The following GPATCH2 variants were observed in gnomAD, a reference collection of about 807,000 sequenced individuals.
GPATCH2 encodes G-patch domain containing 2, also known as G patch domain-containing protein 2.
In GPATCH2, 51 loss-of-function variants were observed where a neutral mutation model predicts 58.0. The ratio of observed to expected loss-of-function variants is 0.88; its 90% CI spans 0.70 to 1.11. The LOEUF (loss-of-function observed/expected upper bound fraction) is 1.11, where lower values mean the gene tolerates loss of function less well. Among genes scored for constraint, GPATCH2 ranks in the 50% most tolerant of loss-of-function variants. The probability of loss-of-function intolerance (pLI) is 0.00; values close to 1 mark genes in which losing one functional copy is unlikely to be tolerated. For synonymous variants in GPATCH2, 222 were observed against 218.5 expected (o/e 1.02, Z -0.14); for missense variants, 625 against 652.2 (o/e 0.96, Z 0.45).
chr1:217,511,015 T>C (rs2102573156), intron 6 of GPATCH2, among the ~76,000 whole-genome samples: 1 of 152,122 alleles, frequency 6.6e-6, no homozygotes, highest in Admixed American at 6.6e-5. Flanking sequence ...GGAGAATCGT[T>C]TGAACTGGGA....
intron 5 of GPATCH2, among the ~76,000 whole-genome samples, chr1:217,591,402 G>C (rs1192566583): frequency 6.6e-6 from 1 of 152,030 alleles, no homozygotes; most frequent in Non-Finnish European, 1.5e-5. Flanking sequence ...TAAAAGCCTA[G>C]TTAAAAGCAT....
Position 217,468,137 on chromosome 1 carries a change from C to T in GPATCH2, c.1278-18800G>A, listed in dbSNP as rs1401235064. Reference sequence around the variant, plus strand: ...CATGATCTGTACCTTAAAGTAATCACATAGTTGGGGAGGAGGAAGTTTTCA... The same window carrying T: ...CATGATCTGTACCTTAAAGTAATCATATAGTTGGGGAGGAGGAAGTTTTCA... On this transcript the variant is annotated intron_variant, in intron 8 of 9. Transcript: ENST00000366935. 3.3e-5 allele frequency among the ~76,000 whole-genome samples: 5 copies of T among 152,252 alleles called. No homozygotes were observed. The East Asian group carries it at 9.6e-4, about 29-fold the overall frequency.
At chr1:217,442,492 A>C (rs1489852943) in intron 9 of GPATCH2, among the ~76,000 whole-genome samples, 1 of 152,226 alleles carries the variant, frequency 6.6e-6, no homozygotes, top group African/African-American at 2.4e-5. Flanking sequence ...AAGTATAAGA[A>C]AAGAAAAACA....
intron 8 of GPATCH2, among the ~76,000 whole-genome samples, chr1:217,452,658 T>C (rs992096750): frequency 8.5e-5 from 13 of 152,166 alleles, no homozygotes; most frequent in Non-Finnish European, 1.9e-4. Context: ...AACAACCAAC[T>C]CCCTCTTCTA....
intron 5 of GPATCH2, among the ~76,000 whole-genome samples, chr1:217,534,738 C>T (rs1433071624): frequency 2.0e-5 from 3 of 152,300 alleles, no homozygotes; most frequent in African/African-American, 7.2e-5. Context: ...CCAGATGTCA[C>T]ATGACCATAC....
chr1:217,614,921 G>T (rs1323099567), intron 2 of GPATCH2, among the ~76,000 whole-genome samples: 1 of 151,776 alleles, frequency 6.6e-6, no homozygotes, highest in Admixed American at 6.6e-5. Flanking sequence ...TATTCTAATA[G>T]AAGTAATGCT....
intron 5 of GPATCH2, among the ~76,000 whole-genome samples, chr1:217,556,564 A>G (rs1665634178): frequency 6.6e-6 from 1 of 152,224 alleles, no homozygotes; most frequent in Non-Finnish European, 1.5e-5. Flanking sequence ...CTATTAATAT[A>G]GTATTCCACT....
chr1:217,452,563 T>C (rs189515115), intron 8 of GPATCH2, among the ~76,000 whole-genome samples: 24 of 152,280 alleles, frequency 1.6e-4, no homozygotes, highest in Admixed American at 9.2e-4. Context: ...CCCAAGTCAA[T>C]ATTGCCTTTA....
chr1:217,618,020 A>G lies in GPATCH2; in HGVS notation c.773+1763T>C, dbSNP rs564134646. 3.2e-4 allele frequency among the ~76,000 whole-genome samples: 48 copies of G among 152,274 alleles called. 1 individual carries two copies. Among genetic ancestry groups the G allele is most frequent in the African/African-American group, 9.9e-4 (41 of 41,544 alleles). On this transcript the variant is annotated intron_variant, in intron 2 of 9. Transcript: ENST00000366935. ...TCCAAAAAGCAGGTAATCTAATTGT[A>G]AATAATCCAGAATTGAGTATGTTAT...
rs1052325973 is a variant in GPATCH2, at chr1:217,497,787, C to T, written c.1206+569G>A. On this transcript the variant is annotated intron_variant, in intron 7 of 9. Transcript: ENST00000366935. ...AACATCACAAGTTTAAGCATGCTTC[C>T]GAGAAAGAACTAATATAATCAAGGG... 6.6e-4 allele frequency among the ~76,000 whole-genome samples: 101 copies of T among 151,978 alleles called. 1 individual carries two copies. Among genetic ancestry groups the T allele is most frequent in the African/African-American group, 2.3e-3 (95 of 41,442 alleles).
intron 8 of GPATCH2, among the ~76,000 whole-genome samples, chr1:217,451,535 T>C (rs902574524): frequency 2.6e-5 from 4 of 152,244 alleles, no homozygotes; most frequent in Admixed American, 2.6e-4. Flanking sequence ...CCCAGTTCCC[T>C]CATTAGCTAA....
chr1:217,598,841 A>G (rs1667977947), intron 5 of GPATCH2, among the ~76,000 whole-genome samples: 1 of 152,222 alleles, frequency 6.6e-6, no homozygotes, highest in South Asian at 2.1e-4. Flanking sequence ...CAGGACTCCC[A>G]TCATTGGGTA....
At chr1:217,490,138 G>A (rs1182385641) in intron 8 of GPATCH2, among the ~76,000 whole-genome samples, 1 of 152,054 alleles carries the variant, frequency 6.6e-6, no homozygotes, top group Non-Finnish European at 1.5e-5. Context: ...TGAAAGATGG[G>A]TTTCCAGGTA....
At chr1:217,550,528 T>C (rs1297332113) in intron 5 of GPATCH2, among the ~76,000 whole-genome samples, 10 of 152,058 alleles carry the variant, frequency 6.6e-5, no homozygotes, top group Admixed American at 6.6e-4. Context: ...TTAATTAAAA[T>C]TATTTTTAGT....
chr1:217,454,582 CTG>C (rs1491507538), intron 8 of GPATCH2, among the ~76,000 whole-genome samples: 1 of 83,836 alleles, frequency 1.2e-5, no homozygotes, highest in East Asian at 4.1e-4. Context: ...GAGCGAGACT[CTG>C]TCTCAAAAAA....
chr1:217,501,751 T>C (rs1571817387), intron 6 of GPATCH2, among the ~76,000 whole-genome samples: 2 of 152,260 alleles, frequency 1.3e-5, no homozygotes, highest in East Asian at 3.9e-4. Context: ...CTTGGTAAAA[T>C]GGATGTTCAT....
chr1:217,445,722 A>C (rs1014414463), intron 9 of GPATCH2, among the ~76,000 whole-genome samples: 2 of 152,274 alleles, frequency 1.3e-5, no homozygotes, highest in African/African-American at 4.8e-5. Flanking sequence ...AAGAGCAGTA[A>C]ATAAGCTAAA....
chr1:217,562,038 C>T (rs1665954701), intron 5 of GPATCH2, among the ~76,000 whole-genome samples: 1 of 152,162 alleles, frequency 6.6e-6, no homozygotes, highest in Non-Finnish European at 1.5e-5. Context: ...CTCCTTTCTA[C>T]CACCAAAGCC....
chr1:217,524,645 G>T (rs1027964962), intron 5 of GPATCH2, among the ~76,000 whole-genome samples: 5 of 151,608 alleles, frequency 3.3e-5, no homozygotes, highest in African/African-American at 1.2e-4. Context: ...GATCACTCGC[G>T]GTTAGGAGCT....
Sources: gnomAD v4.1 joint callset for allele counts (sites outside exome capture counted in the v4.1 genomes callset) on GRCh38, gnomAD v4.1.1 for gene constraint, MANE v1.5 for transcripts, NCBI Gene and HGNC (gene_info 2026-07-23, HGNC 2026-07-21) for gene names.